Variants in TNFRSF19 observed in about 807,000 individuals in gnomAD.
TNFRSF19 encodes the protein TNF receptor superfamily member 19, also known as tumor necrosis factor receptor superfamily member 19.
TNFRSF19 carries 27 observed loss-of-function variants against 46.4 expected under a neutral mutation model. The ratio of observed to expected loss-of-function variants is 0.58; its 90% CI spans 0.43 to 0.80. The LOEUF (loss-of-function observed/expected upper bound fraction) is 0.80, where lower values mean the gene tolerates loss of function less well. Ranked by LOEUF, TNFRSF19 falls within the 30% of genes least tolerant of loss-of-function variation. TNFRSF19 has a pLI of 0.00. For missense variants in TNFRSF19, 511 were observed against 530.8 expected, an observed-to-expected ratio of 0.96 and a Z score of 0.37; for synonymous variants, 204 against 205.0, an observed-to-expected ratio of 1.00 and a Z score of 0.04.
At chr13:23,610,085 T>A (rs939516541) in intron 3 of TNFRSF19, among the ~76,000 whole-genome samples, 7 of 152,252 alleles carry the variant, frequency 4.6e-5, no homozygotes, top group Admixed American at 2.0e-4. Flanking sequence ...TTCAAATAAC[T>A]TCTCCATCCA....
intron 3 of TNFRSF19, among the ~76,000 whole-genome samples, chr13:23,603,180 A>G (rs946871227): frequency 1.2e-4 from 18 of 152,060 alleles, no homozygotes; most frequent in Admixed American, 1.2e-3. Flanking sequence ...CTATAGGAAC[A>G]TTAGAAATGC....
chr13:23,626,896 C>G, intron 5 of TNFRSF19, 104 bp downstream of exon 5: 1 of 1,056,788 alleles, frequency 9.5e-7, no homozygotes, highest in Non-Finnish European at 1.4e-6. Flanking sequence ...AAATCTGTCT[C>G]TCCTGTGGGG....
At chr13:23,572,201 G>C (rs559972724) in intron 1 of TNFRSF19, among the ~76,000 whole-genome samples, 1 of 152,254 alleles carries the variant, frequency 6.6e-6, no homozygotes, top group Non-Finnish European at 1.5e-5. Flanking sequence ...TATTTTTAAA[G>C]TGTGTCATTA....
intron 5 of TNFRSF19, among the ~76,000 whole-genome samples, chr13:23,645,140 T>A (rs748164480): frequency 6.6e-6 from 1 of 152,228 alleles, no homozygotes; most frequent in African/African-American, 2.4e-5. Flanking sequence ...ATCACCAGTC[T>A]TTTTCTTCAG....
chr13:23,574,469 T>C (rs899678228), intron 1 of TNFRSF19, among the ~76,000 whole-genome samples: 1 of 151,972 alleles, frequency 6.6e-6, no homozygotes, highest in Non-Finnish European at 1.5e-5. Context: ...CCAGTTTTTT[T>C]TTTTCCTTTT....
chr13:23,618,661 G>A (rs1275214191), intron 4 of TNFRSF19, among the ~76,000 whole-genome samples: 1 of 152,134 alleles, frequency 6.6e-6, no homozygotes, highest in Admixed American at 6.5e-5. Context: ...TTGACTCTTA[G>A]GTATATAACC....
chr13:23,627,430 G>A (rs1478628832), intron 5 of TNFRSF19, among the ~76,000 whole-genome samples: 5 of 152,158 alleles, frequency 3.3e-5, no homozygotes, highest in Non-Finnish European at 5.9e-5. Flanking sequence ...GATATAAAAG[G>A]TATTTGTTTC....
At chr13:23,572,381 G>T (rs937718625) in intron 1 of TNFRSF19, among the ~76,000 whole-genome samples, 1 of 151,742 alleles carries the variant, frequency 6.6e-6, no homozygotes, top group Non-Finnish European at 1.5e-5. Context: ...TCACAAAAGT[G>T]GTATTAATGT....
At chr13:23,606,359 TAA>T (rs10710338) in intron 3 of TNFRSF19, among the ~76,000 whole-genome samples, 21 of 151,348 alleles carry the variant, frequency 1.4e-4, no homozygotes, top group Admixed American at 5.9e-4. Context: ...ATAATTTTTT[TAA>T]AAAAAAAGAC....
chr13:23,590,327 A>G lies in TNFRSF19; in HGVS notation c.69+75A>G, dbSNP rs1470892395. 7.3e-5 allele frequency: 66 copies of G among 899,038 alleles called. 1 individual carries two copies. The highest frequency in any genetic ancestry group is 3.4e-6 in the Non-Finnish European group (2 of 589,544). 55.7% of individuals were successfully genotyped at this position (899,038 alleles called of 1,614,324 possible). On this transcript the variant is annotated intron_variant, in intron 2 of 9. Coordinates refer to ENST00000248484, the MANE Select transcript of TNFRSF19 (RefSeq NM_148957.4). Reference sequence around the variant, plus strand: ...GTACTAATAAGTAGTAGGAGTACCAAAATCATTTTATTTTTTATTTTTTTT... The same window carrying G: ...GTACTAATAAGTAGTAGGAGTACCAGAATCATTTTATTTTTTATTTTTTTT...
intron 3 of TNFRSF19, among the ~76,000 whole-genome samples, chr13:23,598,647 A>T (rs1879909204): frequency 1.3e-5 from 2 of 152,110 alleles, no homozygotes; most frequent in African/African-American, 2.4e-5. Context: ...CATTTCAACC[A>T]CTATGTGCTA....
chr13:23,577,785 G>T (rs1251559154), intron 1 of TNFRSF19, among the ~76,000 whole-genome samples: 1 of 152,206 alleles, frequency 6.6e-6, no homozygotes, highest in African/African-American at 2.4e-5. Context: ...GGAAATAGGT[G>T]TAGGGCTGCA....
chr13:23,589,678 T>C (rs182398960), intron 1 of TNFRSF19, among the ~76,000 whole-genome samples: 181 of 152,380 alleles, frequency 1.2e-3, no homozygotes, highest in African/African-American at 4.1e-3. Context: ...TGATAGGATC[T>C]ACCTTCTAGA....
At chr13:23,605,525 C>T (rs911828413) in intron 3 of TNFRSF19, among the ~76,000 whole-genome samples, 5 of 152,144 alleles carry the variant, frequency 3.3e-5, no homozygotes, top group Non-Finnish European at 7.4e-5. Flanking sequence ...ATACTTATAG[C>T]AGGTTTGTTC....
intron 3 of TNFRSF19, among the ~76,000 whole-genome samples, chr13:23,614,321 C>T (rs1267711190): frequency 2.0e-5 from 3 of 152,202 alleles, no homozygotes; most frequent in Non-Finnish European, 4.4e-5. Context: ...AGTGATTCCT[C>T]CGAATCCTTT....
chr13:23,668,843 GGAGAA>G lies in TNFRSF19; in HGVS notation c.994_998del (p.Glu332HisfsTer9). 6.2e-7 allele frequency: 1 copy of G among 1,614,228 alleles called. No individual in the cohort carries two copies. Among genetic ancestry groups the G allele is most frequent in the South Asian group, 1.1e-5 (1 of 91,086 alleles). Reference sequence around the variant, plus strand: ...TTGTGACTCTTATCCTGAACTCACTGGAGAAGACATTCATTCTCTCAATCCAGAAC... The same window carrying G: ...TTGTGACTCTTATCCTGAACTCACTGGACATTCATTCTCTCAATCCAGAAC... On this transcript the variant is annotated frameshift_variant, in exon 9 of 10. Transcript: ENST00000248484. LOFTEE classifies it high-confidence loss of function.
intron 7 of TNFRSF19, among the ~76,000 whole-genome samples, chr13:23,664,664 C>T (rs1020979819): frequency 6.6e-6 from 1 of 152,206 alleles, no homozygotes; most frequent in African/African-American, 2.4e-5. Flanking sequence ...AATCAGTCTT[C>T]TCAAGAAATT....
chr13:23,634,579 A>C (rs1003037870), intron 5 of TNFRSF19, among the ~76,000 whole-genome samples: 3 of 152,242 alleles, frequency 2.0e-5, no homozygotes, highest in African/African-American at 7.2e-5. Flanking sequence ...ACACGTAGTG[A>C]AACAGTGCAT....
At chr13:23,662,926 T>C (rs1351670114) in intron 7 of TNFRSF19, among the ~76,000 whole-genome samples, 1 of 152,162 alleles carries the variant, frequency 6.6e-6, no homozygotes, top group Non-Finnish European at 1.5e-5. Flanking sequence ...GCAGAGACTG[T>C]GGGGTTTTCT....
Sources: allele counts gnomAD v4.1 joint callset (sites outside exome capture counted in the v4.1 genomes callset), GRCh38; gene constraint gnomAD v4.1.1; transcripts MANE v1.5; gene names NCBI Gene and HGNC (gene_info 2026-07-23, HGNC 2026-07-21).